FAT3: variants seen among roughly 807,000 people sequenced by gnomAD.
FAT3 encodes the protein protocadherin Fat 3.
FAT3 carries 95 observed loss-of-function variants against 310.2 expected under a neutral mutation model. That is an observed-to-expected ratio of 0.31 (90% confidence interval 0.26 to 0.36). The LOEUF (loss-of-function observed/expected upper bound fraction) is 0.36, where lower values mean the gene tolerates loss of function less well. Among genes scored for constraint, FAT3 ranks in the 10% least tolerant of loss-of-function variants. The probability of loss-of-function intolerance (pLI) is 1.00; values close to 1 mark genes in which losing one functional copy is unlikely to be tolerated. For synonymous variants in FAT3, 2,314 were observed against 2,192.9 expected (o/e 1.06, Z -1.54); for missense variants, 5,408 against 5,715.6 (o/e 0.95, Z 1.74).
At position 92,518,257 on chromosome 11, in the gene FAT3, A is replaced by G. The variant is rs576852868; in HGVS notation, c.3293-6377A>G. ...CTATTCACAATAGCAAAGATTTGCAACCAACCCAAATGCCCATCAATGATA... is the reference window on the plus strand; with the variant it reads ...CTATTCACAATAGCAAAGATTTGCAGCCAACCCAAATGCCCATCAATGATA... On this transcript the variant is annotated intron_variant, in intron 2 of 27. Transcript: ENST00000525166. 7.9e-5 allele frequency among the ~76,000 whole-genome samples: 12 copies of G among 152,320 alleles called. No homozygotes were observed. In the East Asian group the frequency reaches 2.1e-3, roughly 27 times the overall value.
intron 4 of FAT3, among the ~76,000 whole-genome samples, chr11:92,716,690 T>A (rs1944700546): frequency 6.6e-6 from 1 of 152,168 alleles, no homozygotes; most frequent in Non-Finnish European, 1.5e-5. Context: ...GGGGTTGACA[T>A]GAAGGATTAG....
intron 3 of FAT3, among the ~76,000 whole-genome samples, chr11:92,641,189 T>C (rs1241549565): frequency 6.6e-6 from 1 of 152,182 alleles, no homozygotes; most frequent in Non-Finnish European, 1.5e-5. Context: ...AGAGAGACCC[T>C]GTCCCCTACC....
chr11:92,494,006 C>A (rs1952681014), intron 2 of FAT3, among the ~76,000 whole-genome samples: 1 of 149,728 alleles, frequency 6.7e-6, no homozygotes, highest in South Asian at 2.1e-4. Context: ...TGATCTCATG[C>A]AAATTGTGTA....
intron 2 of FAT3, among the ~76,000 whole-genome samples, chr11:92,449,694 T>C (rs912606556): frequency 1.6e-4 from 24 of 152,310 alleles, no homozygotes; most frequent in Non-Finnish European, 2.9e-4. Context: ...CAAAGTTTAA[T>C]ACAGTCTTTG....
chr11:92,671,052 G>GT (rs917896972), intron 3 of FAT3, among the ~76,000 whole-genome samples: 473 of 147,950 alleles, frequency 3.2e-3, no homozygotes, highest in African/African-American at 4.7e-3. Flanking sequence ...TTTGTTTTTT[G>GT]TTTTTTTTTT....
In FAT3 at chr11:92,891,490, C is replaced by T. The variant is rs937744287; in HGVS notation, c.*377C>T. ...TCCTTGCAGTATTAAAAACTGGCAACAATCAAAGAGGCATTGTTGCATGTA... is the reference window on the plus strand; with the variant it reads ...TCCTTGCAGTATTAAAAACTGGCAATAATCAAAGAGGCATTGTTGCATGTA... On this transcript the variant is annotated 3_prime_UTR_variant, in exon 28 of 28. Coordinates refer to ENST00000525166, the MANE Select transcript of FAT3 (RefSeq NM_001367949.2). 9.3e-6 allele frequency: 2 copies of T among 214,616 alleles called. No homozygotes were observed. Among genetic ancestry groups the T allele is most frequent in the Non-Finnish European group, 1.9e-5 (2 of 104,798 alleles). 13.3% of individuals were successfully genotyped at this position (214,616 alleles called of 1,614,324 possible).
chr11:92,792,657 T>C, intron 8 of FAT3, 110 bp from the exon 9 acceptor site: 2 of 1,009,482 alleles, frequency 2.0e-6, no homozygotes, highest in South Asian at 3.0e-5. Flanking sequence ...TGGAACTGGG[T>C]CAAGCACTTT....
intron 19 of FAT3, among the ~76,000 whole-genome samples, chr11:92,854,505 G>A (rs780170803): frequency 8.5e-5 from 13 of 152,206 alleles, no homozygotes; most frequent in Non-Finnish European, 2.9e-5. Flanking sequence ...TTCCAGACAG[G>A]CTATCGCTAC....
intron 4 of FAT3, among the ~76,000 whole-genome samples, chr11:92,738,525 C>T (rs1243062110): frequency 2.0e-5 from 3 of 152,330 alleles, no homozygotes; most frequent in South Asian, 2.1e-4. Context: ...ATCATCATCT[C>T]TCTCCCACAG....
intron 22 of FAT3, among the ~76,000 whole-genome samples, chr11:92,873,693 T>A (rs1949450132): frequency 6.6e-6 from 1 of 152,254 alleles, no homozygotes; most frequent in African/African-American, 2.4e-5. Flanking sequence ...AAAGGAGGAT[T>A]CATTTTAAGT....
intron 2 of FAT3, among the ~76,000 whole-genome samples, chr11:92,462,984 G>C (rs1951672721): frequency 6.6e-6 from 1 of 151,480 alleles, no homozygotes; most frequent in African/African-American, 2.5e-5. Context: ...AGTGTCTGCT[G>C]CATGTGACTT....
At chr11:92,694,379 C>G (rs1943878973) in intron 3 of FAT3, among the ~76,000 whole-genome samples, 1 of 152,348 alleles carries the variant, frequency 6.6e-6, no homozygotes, top group Middle Eastern at 3.4e-3. Flanking sequence ...ACAGAAACTG[C>G]TTGTCTTCCT....
At position 92,352,204 on chromosome 11, in the gene FAT3, A is replaced by G. The variant is rs1337832135; in HGVS notation, c.92A>G (p.Gln31Arg). The stretch of plus-strand genomic sequence containing the variant: ...TTCAAGCTTTTGGCCACTGTCTCCC[A>G]GGGGCTGCCAGGGACTGGACCCCTG... ...LLFKLLATVS[Q>R]GLPGTGPLGF... Residue 31 changes from glutamine (Q) to arginine (R), a missense_variant, in exon 2 of 28, where the codon CAG becomes CGG. Transcript: ENST00000525166. The G allele has an allele frequency of 2.2e-6, 3 of 1,377,376 alleles. No individual in the cohort carries two copies. Among genetic ancestry groups the G allele is most frequent in the Middle Eastern group, 4.2e-4 (2 of 4,816 alleles). The allele number at this position is 1,377,376 out of a possible 1,614,324, so 85.3% of individuals were successfully genotyped here.
intron 3 of FAT3, among the ~76,000 whole-genome samples, chr11:92,525,867 ATGTT>A (rs1565384314): frequency 6.6e-6 from 1 of 152,168 alleles, no homozygotes; most frequent in African/African-American, 2.4e-5. Context: ...TCTCCTGCCT[ATGTT>A]TGTTAAACAG....
chr11:92,486,786 G>T (rs918613681), intron 2 of FAT3, among the ~76,000 whole-genome samples: 1 of 152,262 alleles, frequency 6.6e-6, no homozygotes, highest in South Asian at 2.1e-4. Context: ...TCACAGAGGT[G>T]AACTCTGATC....
chr11:92,389,201 T>A (rs2134802378), intron 2 of FAT3, among the ~76,000 whole-genome samples: 1 of 152,286 alleles, frequency 6.6e-6, no homozygotes, highest in East Asian at 1.9e-4. Context: ...GGTGTCTCAG[T>A]CAGTTTGGGC....
At chr11:92,408,708 A>G (rs1950190350) in intron 2 of FAT3, among the ~76,000 whole-genome samples, 1 of 152,146 alleles carries the variant, frequency 6.6e-6, no homozygotes, top group African/African-American at 2.4e-5. Flanking sequence ...AGAGCAGAAA[A>G]ATCTTCAGAA....
intron 1 of FAT3, among the ~76,000 whole-genome samples, chr11:92,291,080 T>TACACACACGC (rs1946676836): frequency 7.0e-6 from 1 of 142,796 alleles, no homozygotes; most frequent in East Asian, 2.1e-4. Flanking sequence ...CTTTTTATTC[T>TACACACACGC]ACACACACAC....
chr11:92,259,991 G>A (rs1319516919), intron 1 of FAT3, among the ~76,000 whole-genome samples: 1 of 152,122 alleles, frequency 6.6e-6, no homozygotes. Flanking sequence ...TTACTTACCA[G>A]GGAGAGGATC....
Sources: gnomAD v4.1 joint callset for allele counts (sites outside exome capture counted in the v4.1 genomes callset) on GRCh38, gnomAD v4.1.1 for gene constraint, MANE v1.5 for transcripts, NCBI Gene and HGNC (gene_info 2026-07-23, HGNC 2026-07-21) for gene names.